CALD1: variants seen among roughly 807,000 people sequenced by gnomAD.
CALD1 encodes caldesmon.
CALD1 carries 33 observed loss-of-function variants against 99.9 expected under a neutral mutation model. That is an observed-to-expected ratio of 0.33 (90% CI 0.25 to 0.44). CALD1 has a LOEUF of 0.44. Ranked by LOEUF, CALD1 falls within the 20% of genes least tolerant of loss-of-function variation. CALD1 has a pLI of 1.00. For synonymous variants in CALD1, 310 were observed against 325.0 expected (o/e 0.95, Z 0.50); for missense variants, 861 against 962.1 (o/e 0.89, Z 1.39).
chr7:134,717,091 G>A, the CALD1 span, among the ~76,000 whole-genome samples: 2 of 152,276 alleles, frequency 1.3e-5, no homozygotes, highest in African/African-American at 4.8e-5. Flanking sequence ...TGAGCAGAAA[G>A]TACAGTGAGT....
At chr7:134,821,606 A>T (rs150166615) in intron 1 of CALD1, among the ~76,000 whole-genome samples, 8 of 110,828 alleles carry the variant, frequency 7.2e-5, no homozygotes, top group Admixed American at 1.9e-4. Context: ...TTTTTGAGAC[A>T]GAGTCTCGCT....
At chr7:134,769,496 A>T (rs1796858783) in intron 1 of CALD1, among the ~76,000 whole-genome samples, 1 of 152,204 alleles carries the variant, frequency 6.6e-6, no homozygotes, top group Admixed American at 6.5e-5. Flanking sequence ...ATGAAATTGA[A>T]CATCATTTCA....
At chr7:134,846,328 C>T (rs999336606) in intron 2 of CALD1, among the ~76,000 whole-genome samples, 8 of 152,164 alleles carry the variant, frequency 5.3e-5, no homozygotes, top group African/African-American at 1.9e-4. Flanking sequence ...GCTGATTGTC[C>T]CACTCCACCT....
In CALD1 at chr7:134,928,757, C is replaced by T. The variant is rs373359178; in HGVS notation, c.75C>T (p.Ile25=). 1.5e-5 allele frequency: 24 copies of T among 1,613,044 alleles called. No individual in the cohort carries two copies. The highest frequency in any genetic ancestry group is 1.9e-5 in the Non-Finnish European group (23 of 1,179,652). ...GGTTGTCTTTGTAATGTTGCAGAAT[C>T]GCCTACCAGAGGAATGACGATGATG... ...REEMRLEAER[I]AYQRNDDDEE... Residue 25 remains isoleucine, a synonymous_variant, in exon 4 of 15, where the codon ATC becomes ATT. Coordinates refer to ENST00000361675, the MANE Select transcript of CALD1 (RefSeq NM_033138.4).
chr7:134,781,783 T>C lies in CALD1; in HGVS notation c.-130+2034T>C, dbSNP rs184773542. On this transcript the variant is annotated intron_variant, in intron 1 of 14. Coordinates refer to ENST00000361675, the MANE Select transcript of CALD1 (RefSeq NM_033138.4). ...GAAGGTGTAATTTAAATCATTCCAG[T>C]CAAAAGATTGCCTTAAGTAAATACA... Among the ~76,000 whole-genome samples, 341 of 152,336 alleles carry C rather than the reference T, an allele frequency of 2.2e-3. 2 individuals are homozygous for C. Among genetic ancestry groups the C allele is most frequent in the African/African-American group, 7.9e-3 (328 of 41,580 alleles).
At chr7:134,858,017 A>C (rs1800391474) in intron 2 of CALD1, among the ~76,000 whole-genome samples, 1 of 152,138 alleles carries the variant, frequency 6.6e-6, no homozygotes, top group East Asian at 1.9e-4. Flanking sequence ...CTGTATCACT[A>C]AACTGGAAGT....
chr7:134,750,585 T>C (rs1796677893), intron 1 of CALD1, among the ~76,000 whole-genome samples: 1 of 152,192 alleles, frequency 6.6e-6, no homozygotes, highest in Admixed American at 6.5e-5. Flanking sequence ...ACTATGTTTA[T>C]CCTTTCCATT....
chr7:134,786,092 T>A (rs1037529736), intron 1 of CALD1, among the ~76,000 whole-genome samples: 2 of 152,172 alleles, frequency 1.3e-5, no homozygotes, highest in Admixed American at 6.5e-5. Context: ...CCATATCTAC[T>A]CAAGTACCAT....
intron 2 of CALD1, among the ~76,000 whole-genome samples, chr7:134,854,561 T>C (rs1800218925): frequency 6.6e-6 from 1 of 152,196 alleles, no homozygotes; most frequent in Admixed American, 6.5e-5. Flanking sequence ...CACATTCATT[T>C]GGCCATACAC....
chr7:134,747,928 G>T (rs952882306), intron 1 of CALD1, among the ~76,000 whole-genome samples: 56 of 152,198 alleles, frequency 3.7e-4, no homozygotes, highest in African/African-American at 1.1e-3. Context: ...CCATCTGGGA[G>T]AACTGCAGGC....
intron 7 of CALD1, among the ~76,000 whole-genome samples, chr7:134,945,492 TG>T (rs1227675978): frequency 1.1e-4 from 16 of 152,240 alleles, no homozygotes; most frequent in African/African-American, 3.4e-4. Flanking sequence ...CATTAGAATC[TG>T]ATCATGGCTC....
At position 134,954,154 on chromosome 7, in the gene CALD1, T is replaced by A. The variant is rs528132174; in HGVS notation, c.1935+3640T>A. ...TACCAACTACTGTATTTTTAAAAAA[T>A]ATCTCATGATTTCTATTCCTTGTTT... On this transcript the variant is annotated intron_variant, in intron 9 of 14. Transcript: ENST00000361675. Among the ~76,000 whole-genome samples the A allele has an allele frequency of 9.2e-5, 14 of 152,350 alleles. No homozygotes were observed. In the South Asian group the frequency reaches 2.7e-3, roughly 29 times the overall value.
chr7:134,937,233 A>T (rs1806048967), intron 6 of CALD1, among the ~76,000 whole-genome samples: 1 of 152,190 alleles, frequency 6.6e-6, no homozygotes, highest in Non-Finnish European at 1.5e-5. Context: ...GTGTCTGAGA[A>T]CTAGAAGGGC....
At chr7:134,961,602 T>G (rs1304778172) in intron 13 of CALD1, 1 of 152,230 alleles carries the variant, frequency 6.6e-6, no homozygotes, top group Admixed American at 6.5e-5. Flanking sequence ...CAAATCCTTC[T>G]TGGGCACAAC....
chr7:134,821,422 A>G (rs1798768028), intron 1 of CALD1, among the ~76,000 whole-genome samples: 1 of 152,156 alleles, frequency 6.6e-6, no homozygotes, highest in African/African-American at 2.4e-5. Flanking sequence ...GACTACATTT[A>G]TAAAACTATT....
rs150106846 is a variant in CALD1 at position 134,850,404 on chromosome 7, C to A, written c.-42+6433C>A. Among the ~76,000 whole-genome samples, 420 of 152,282 alleles carry A rather than the reference C, an allele frequency of 2.8e-3. 6 individuals carry two copies. Among genetic ancestry groups the A allele is most frequent in the East Asian group, 0.021 (110 of 5,188 alleles). ...TGGGGCTGAGTTGCCTGGATGTAGA[C>A]CCCAGCTCTACCACTTACTAGCTAT... On this transcript the variant is annotated intron_variant, in intron 2 of 14. Coordinates refer to ENST00000361675, the MANE Select transcript of CALD1 (RefSeq NM_033138.4).
chr7:134,928,682 G>T, intron 3 of CALD1, 72 bp from the exon 4 acceptor site: 3 of 1,478,532 alleles, frequency 2.0e-6, no homozygotes, highest in Non-Finnish European at 2.8e-6. Flanking sequence ...GCTCAGGGCT[G>T]TTCCTGCCAA....
At chr7:134,956,835 T>C (rs776692157) in intron 9 of CALD1, among the ~76,000 whole-genome samples, 5 of 152,172 alleles carry the variant, frequency 3.3e-5, no homozygotes, top group Non-Finnish European at 5.9e-5. Flanking sequence ...ATGGTATTGA[T>C]AGGTGATGGG....
intron 2 of CALD1, among the ~76,000 whole-genome samples, chr7:134,848,410 T>G (rs1239005439): frequency 6.6e-6 from 1 of 152,206 alleles, no homozygotes; most frequent in Non-Finnish European, 1.5e-5. Flanking sequence ...TGCTGGCTGT[T>G]TTACTGACAG....
Sources: allele counts gnomAD v4.1 joint callset (sites outside exome capture counted in the v4.1 genomes callset), GRCh38; gene constraint gnomAD v4.1.1; transcripts MANE v1.5; gene names NCBI Gene and HGNC (gene_info 2026-07-23, HGNC 2026-07-21).